FMNL2: variants seen among roughly 807,000 people sequenced by gnomAD.
FMNL2 encodes the protein formin-like protein 2.
A neutral mutation model predicts 130.2 loss-of-function variants in FMNL2; 51 were observed. The observed-to-expected ratio is 0.39, with a 90% confidence interval of 0.31 to 0.49. The LOEUF is 0.49. Among genes scored for constraint, FMNL2 ranks in the 20% least tolerant of loss-of-function variants. FMNL2 has a pLI of 0.85. For missense variants in FMNL2, 977 were observed against 1,316.2 expected (o/e 0.74, Z 3.99); for synonymous variants, 465 against 467.1 (o/e 1.00, Z 0.06).
chr2:152,619,226 C>T, intron 14 of FMNL2, 68 bp downstream of exon 14: 3 of 1,472,104 alleles, frequency 2.0e-6, no homozygotes, highest in Middle Eastern at 2.6e-4. Flanking sequence ...TGCCAACTGT[C>T]CACTTCTGTC....
At chr2:152,520,283 G>GGA (rs1041973675) in intron 1 of FMNL2, among the ~76,000 whole-genome samples, 3 of 151,940 alleles carry the variant, frequency 2.0e-5, no homozygotes, top group African/African-American at 7.3e-5. Flanking sequence ...CAGCTTTGAG[G>GGA]GGGGGTGATT....
intron 1 of FMNL2, among the ~76,000 whole-genome samples, chr2:152,399,240 A>G (rs1579571437): frequency 6.6e-6 from 1 of 152,350 alleles, no homozygotes; most frequent in Non-Finnish European, 1.5e-5. Flanking sequence ...AAGTGAAATC[A>G]GAAGGTAGGT....
intron 1 of FMNL2, among the ~76,000 whole-genome samples, chr2:152,426,351 C>T (rs544036494): frequency 6.8e-4 from 103 of 152,230 alleles, no homozygotes; most frequent in African/African-American, 2.4e-3. Flanking sequence ...GACAAGCAGC[C>T]GGTAGAGATA....
chr2:152,593,860 A>AGAGGGT (rs1365489869), intron 9 of FMNL2, among the ~76,000 whole-genome samples: 1 of 113,296 alleles, frequency 8.8e-6, no homozygotes, highest in Admixed American at 1.1e-4. Context: ...AGAGAGAGAG[A>AGAGGGT]GTGTGTGTGT....
At chr2:152,402,775 ATTATC>A (rs1236844950) in intron 1 of FMNL2, among the ~76,000 whole-genome samples, 2 of 152,276 alleles carry the variant, frequency 1.3e-5, no homozygotes, top group Admixed American at 1.3e-4. Flanking sequence ...TTCCCCCATT[ATTATC>A]TTAAGTTAGA....
chr2:152,564,786 T>TTTGTTTTTTG (rs1558967726), intron 6 of FMNL2, among the ~76,000 whole-genome samples: 1 of 148,392 alleles, frequency 6.7e-6, no homozygotes, highest in African/African-American at 2.5e-5. Flanking sequence ...GTTTTTTTTT[T>TTTGTTTTTTG]TTTTTTTTTT....
intron 1 of FMNL2, among the ~76,000 whole-genome samples, chr2:152,359,875 A>T (rs540972041): frequency 6.6e-6 from 1 of 152,268 alleles, no homozygotes; most frequent in South Asian, 2.1e-4. Context: ...ATCCTACGGT[A>T]TTTAGTATTT....
At chr2:152,375,353 AG>A (rs1356734812) in intron 1 of FMNL2, among the ~76,000 whole-genome samples, 1 of 152,196 alleles carries the variant, frequency 6.6e-6, no homozygotes, top group Non-Finnish European at 1.5e-5. Flanking sequence ...GGCCTGGAGT[AG>A]GGCCCTGCCA....
intron 1 of FMNL2, among the ~76,000 whole-genome samples, chr2:152,337,996 G>A (rs910360822): frequency 6.6e-6 from 1 of 150,882 alleles, no homozygotes; most frequent in Non-Finnish European, 1.5e-5. Context: ...GCCAATAGAA[G>A]TGCGCAGTGT....
At chr2:152,400,538 G>A (rs552543923) in intron 1 of FMNL2, among the ~76,000 whole-genome samples, 1 of 152,332 alleles carries the variant, frequency 6.6e-6, no homozygotes, top group East Asian at 1.9e-4. Flanking sequence ...AATTTTAGGG[G>A]GCAGAAGGAA....
intron 1 of FMNL2, among the ~76,000 whole-genome samples, chr2:152,456,982 G>A (rs1258787532): frequency 1.3e-5 from 2 of 151,958 alleles, no homozygotes; most frequent in African/African-American, 4.8e-5. Flanking sequence ...CCCTTTGGGG[G>A]AGTTTCATGA....
intron 9 of FMNL2, among the ~76,000 whole-genome samples, chr2:152,584,775 C>T (rs1580015077): frequency 6.6e-6 from 1 of 152,158 alleles, no homozygotes; most frequent in Non-Finnish European, 1.5e-5. Context: ...ATGACTACAT[C>T]ATTTTCTCAT....
At chr2:152,535,943 C>T (rs1693974206) in intron 2 of FMNL2, among the ~76,000 whole-genome samples, 1 of 152,228 alleles carries the variant, frequency 6.6e-6, no homozygotes, top group Non-Finnish European at 1.5e-5. Flanking sequence ...TCTGAAATTT[C>T]AGAATTTTTA....
intron 1 of FMNL2, among the ~76,000 whole-genome samples, chr2:152,369,904 T>C (rs1022590372): frequency 6.6e-5 from 10 of 152,218 alleles, no homozygotes; most frequent in Non-Finnish European, 1.5e-4. Flanking sequence ...TAGAGTTTTG[T>C]TGATTTGTTC....
chr2:152,543,319 C>T (rs1434110942), intron 3 of FMNL2, among the ~76,000 whole-genome samples: 1 of 150,310 alleles, frequency 6.7e-6, no homozygotes, highest in African/African-American at 2.4e-5. Flanking sequence ...ATAGCTGATT[C>T]CATTCTCAAC....
chr2:152,358,466 A>G (rs928158975), intron 1 of FMNL2, among the ~76,000 whole-genome samples: 1 of 151,992 alleles, frequency 6.6e-6, no homozygotes, highest in Non-Finnish European at 1.5e-5. Context: ...CCTGGCCAAC[A>G]TGGTGAAAAA....
At chr2:152,578,518 A>G (rs955673350) in intron 7 of FMNL2, 1 of 158,338 alleles carries the variant, frequency 6.3e-6, no homozygotes, top group African/African-American at 2.4e-5. Flanking sequence ...TATCATTTTA[A>G]TAAAGAGAAA....
intron 1 of FMNL2, among the ~76,000 whole-genome samples, chr2:152,412,443 A>AT (rs1268798867): frequency 1.6e-4 from 15 of 92,034 alleles, no homozygotes; most frequent in South Asian, 7.5e-4. Context: ...TCTTCTGTAT[A>AT]TTTTATATAT....
chr2:152,478,032 A>AT (rs1445212257), intron 1 of FMNL2, among the ~76,000 whole-genome samples: 3 of 150,992 alleles, frequency 2.0e-5, no homozygotes, highest in East Asian at 1.9e-4. Flanking sequence ...TGGTGGTTAA[A>AT]TTTTTTTTTA....
Sources: gnomAD v4.1 joint callset for allele counts (sites outside exome capture counted in the v4.1 genomes callset) on GRCh38, gnomAD v4.1.1 for gene constraint, MANE v1.5 for transcripts, NCBI Gene and HGNC (gene_info 2026-07-23, HGNC 2026-07-21) for gene names.